Variants in HPSE2 observed in about 807,000 individuals in gnomAD.
HPSE2 encodes heparanase 2 (inactive), also known as inactive heparanase-2.
Under a neutral mutation model 60.5 loss-of-function variants are expected in HPSE2, and 38 were observed. The ratio of observed to expected loss-of-function variants is 0.63; its 90% confidence interval spans 0.48 to 0.82. The LOEUF (loss-of-function observed/expected upper bound fraction) is 0.82. Ranked by LOEUF, HPSE2 falls within the 40% of genes least tolerant of loss-of-function variation. The probability of loss-of-function intolerance (pLI) is 0.00; values close to 1 mark genes in which losing one functional copy is unlikely to be tolerated. For missense variants in HPSE2, 713 were observed against 740.4 expected, an observed-to-expected ratio of 0.96 and a Z score of 0.43; for synonymous variants, 295 against 293.2, an observed-to-expected ratio of 1.01 and a Z score of -0.06.
chr10:98,468,548 G>C (rs372492754), intron 11 of HPSE2, among the ~76,000 whole-genome samples: 4 of 152,028 alleles, frequency 2.6e-5, no homozygotes, highest in Admixed American at 2.6e-4. Context: ...CTGGGAGAGC[G>C]GCACATTATC....
chr10:98,614,547 C>A (rs1945848634), intron 9 of HPSE2, among the ~76,000 whole-genome samples: 3 of 152,158 alleles, frequency 2.0e-5, no homozygotes, highest in Non-Finnish European at 1.5e-5. Flanking sequence ...CCGCCTTGGC[C>A]TCCCAAAGTG....
chr10:98,952,109 C>G (rs890105293), intron 3 of HPSE2, among the ~76,000 whole-genome samples: 1 of 152,174 alleles, frequency 6.6e-6, no homozygotes, highest in African/African-American at 2.4e-5. Flanking sequence ...TGACCCCTTT[C>G]TGATTCTATT....
chr10:99,116,030 C>T (rs1007639180), intron 3 of HPSE2, among the ~76,000 whole-genome samples: 3 of 152,110 alleles, frequency 2.0e-5, no homozygotes, highest in African/African-American at 7.2e-5. Context: ...AGAAAGAATT[C>T]TAATACCAAC....
At chr10:99,070,118 T>G (rs747572171) in intron 3 of HPSE2, among the ~76,000 whole-genome samples, 1 of 152,114 alleles carries the variant, frequency 6.6e-6, no homozygotes, top group Non-Finnish European at 1.5e-5. Flanking sequence ...AAAAAACTGA[T>G]AAACTAGACT....
At chr10:98,553,060 A>C (rs1047430702) in intron 9 of HPSE2, among the ~76,000 whole-genome samples, 2 of 152,174 alleles carry the variant, frequency 1.3e-5, no homozygotes, top group African/African-American at 4.8e-5. Context: ...AGAATTTCTG[A>C]TAATTTTGCA....
chr10:98,519,637 T>C (rs1428453617), intron 9 of HPSE2, among the ~76,000 whole-genome samples: 3 of 152,244 alleles, frequency 2.0e-5, no homozygotes, highest in Admixed American at 1.3e-4. Flanking sequence ...GGCTGACTCC[T>C]TTGCCCAGGG....
chr10:98,925,334 G>T (rs1345599743), intron 3 of HPSE2, among the ~76,000 whole-genome samples: 1 of 149,972 alleles, frequency 6.7e-6, no homozygotes, highest in Non-Finnish European at 1.5e-5. Flanking sequence ...CACCTCCCTA[G>T]ATCTTATTTA....
intron 9 of HPSE2, among the ~76,000 whole-genome samples, chr10:98,548,453 C>A (rs549372987): frequency 2.0e-5 from 3 of 151,992 alleles, no homozygotes; most frequent in East Asian, 1.9e-4. Flanking sequence ...CCAGTCTCTA[C>A]TAAAAATATA....
chr10:99,229,122 C>G (rs1849566057), intron 2 of HPSE2, among the ~76,000 whole-genome samples: 1 of 150,180 alleles, frequency 6.7e-6, no homozygotes, highest in South Asian at 2.1e-4. Context: ...TGCAGTAAAT[C>G]AAGATAATGC....
At chr10:98,593,448 G>GT (rs58942720) in intron 9 of HPSE2, among the ~76,000 whole-genome samples, 65 of 147,642 alleles carry the variant, frequency 4.4e-4, no homozygotes, top group South Asian at 1.1e-3. Flanking sequence ...TCCAACGAAG[G>GT]TTTTTTTTTT....
At chr10:98,522,255 CA>C (rs374966889) in intron 9 of HPSE2, among the ~76,000 whole-genome samples, 3,628 of 136,070 alleles carry the variant, frequency 0.027, 146 homozygotes, top group African/African-American at 0.09. Context: ...CTTCAATATG[CA>C]AAAAAAAAAC....
chr10:99,064,156 C>T (rs1209242039), intron 3 of HPSE2, among the ~76,000 whole-genome samples: 1 of 152,018 alleles, frequency 6.6e-6, no homozygotes, highest in African/African-American at 2.4e-5. Flanking sequence ...GATATCTATT[C>T]CAGGGAAACA....
At chr10:99,011,909 G>A (rs1473521196) in intron 3 of HPSE2, among the ~76,000 whole-genome samples, 2 of 151,676 alleles carry the variant, frequency 1.3e-5, no homozygotes, top group Non-Finnish European at 2.9e-5. Context: ...CTCAAACAAT[G>A]TATTTATATT....
At chr10:98,603,443 T>TTTTTG (rs1554951369) in intron 9 of HPSE2, among the ~76,000 whole-genome samples, 1 of 150,756 alleles carries the variant, frequency 6.6e-6, no homozygotes, top group East Asian at 1.9e-4. Context: ...TTTTTTGTTT[T>TTTTTG]TTTTTTTGAC....
chr10:98,530,707 C>T (rs952235073), intron 9 of HPSE2, among the ~76,000 whole-genome samples: 1 of 152,194 alleles, frequency 6.6e-6, no homozygotes, highest in African/African-American at 2.4e-5. Flanking sequence ...AGCCCCCACC[C>T]TGTAGTGTAT....
chr10:98,873,311 G>A (rs1324320151), intron 3 of HPSE2, among the ~76,000 whole-genome samples: 1 of 151,946 alleles, frequency 6.6e-6, no homozygotes, highest in Non-Finnish European at 1.5e-5. Flanking sequence ...CACGTGCCAT[G>A]GTGGTTTGCT....
At chr10:99,139,538 T>C (rs10786510) in intron 3 of HPSE2, among the ~76,000 whole-genome samples, 102,512 of 152,042 alleles carry the variant, frequency 0.67, 37,870 homozygotes, top group Non-Finnish European at 0.81. Context: ...AATTACACTA[T>C]AAATCCCATC....
At chr10:98,462,207 C>T (rs1311755301) in intron 11 of HPSE2, among the ~76,000 whole-genome samples, 7 of 152,052 alleles carry the variant, frequency 4.6e-5, no homozygotes, top group Non-Finnish European at 1.0e-4. Flanking sequence ...GAGATGGAGT[C>T]TCGATCTGTT....
intron 9 of HPSE2, among the ~76,000 whole-genome samples, chr10:98,537,957 G>C (rs1267044875): frequency 6.6e-6 from 1 of 152,194 alleles, no homozygotes; most frequent in Non-Finnish European, 1.5e-5. Flanking sequence ...TAAAGTCTTT[G>C]ATCTTTCTTA....
Sources: gnomAD v4.1 joint callset for allele counts (sites outside exome capture counted in the v4.1 genomes callset) on GRCh38, gnomAD v4.1.1 for gene constraint, MANE v1.5 for transcripts, NCBI Gene and HGNC (gene_info 2026-07-23, HGNC 2026-07-21) for gene names.